SLC9A9: variants seen among roughly 807,000 people sequenced by gnomAD.
SLC9A9 encodes the protein sodium/hydrogen exchanger 9.
In SLC9A9, 62 loss-of-function variants were observed where a neutral mutation model predicts 77.8. The ratio of observed to expected loss-of-function variants is 0.80; its 90% CI spans 0.65 to 0.98. SLC9A9 has a LOEUF of 0.98. SLC9A9 is among the 50% of genes least tolerant of loss of function. The pLI, the probability that SLC9A9 is intolerant of heterozygous loss-of-function variation, is 0.00. For missense variants in SLC9A9, 775 were observed against 774.9 expected (o/e 1.00, Z 0.00); for synonymous variants, 320 against 283.5 (o/e 1.13, Z -1.29).
chr3:143,784,619 G>A (rs535102757), intron 4 of SLC9A9, among the ~76,000 whole-genome samples: 8 of 151,068 alleles, frequency 5.3e-5, no homozygotes, highest in East Asian at 3.9e-4. Flanking sequence ...TCAGCCTCCC[G>A]AAGTGCTGGG....
intron 12 of SLC9A9, among the ~76,000 whole-genome samples, chr3:143,415,731 T>C (rs1288221830): frequency 6.6e-6 from 1 of 152,214 alleles, no homozygotes; most frequent in East Asian, 1.9e-4. Context: ...AATTAAGGAA[T>C]AATTTCAACT....
At chr3:143,268,732 C>CA (rs11312794) in intron 15 of SLC9A9, 143 bp downstream of exon 15, 23,235 of 230,810 alleles carry the variant, frequency 0.1, 639 homozygotes, top group African/African-American at 0.19. Context: ...GACTCCGTCT[C>CA]AAAAAAAAAA....
chr3:143,495,859 G>C (rs1474499989), intron 9 of SLC9A9, among the ~76,000 whole-genome samples: 1 of 152,080 alleles, frequency 6.6e-6, no homozygotes, highest in East Asian at 1.9e-4. Flanking sequence ...TGACTTCCCA[G>C]GTACTGAACA....
At chr3:143,700,064 C>T (rs978410191) in intron 4 of SLC9A9, among the ~76,000 whole-genome samples, 4 of 151,948 alleles carry the variant, frequency 2.6e-5, no homozygotes, top group African/African-American at 9.7e-5. Context: ...TCCCAGATAA[C>T]ATTTCTAGAC....
At position 143,316,800 on chromosome 3, in the gene SLC9A9, G is replaced by A. The variant is rs142171913; in HGVS notation, c.1604+46684C>T. On this transcript the variant is annotated intron_variant, in intron 14 of 15. Transcript: ENST00000316549. The stretch of plus-strand genomic sequence containing the variant: ...ACAATATTAAGAGCAAATTCATACT[G>A]AGCACTTAAGACGTTTTACCAGGGT... Among the ~76,000 whole-genome samples the A allele has an allele frequency of 1.1e-3, 166 of 152,272 alleles. 1 individual carries two copies. The highest frequency in any genetic ancestry group is 3.8e-3 in the African/African-American group (157 of 41,558).
chr3:143,587,586 C>CGGGCCAGGGCCAGGGCCA (rs58491980), intron 6 of SLC9A9, among the ~76,000 whole-genome samples: 5 of 151,998 alleles, frequency 3.3e-5, no homozygotes, highest in African/African-American at 9.7e-5. Context: ...AGGCTGGAGC[C>CGGGCCAGGGCCAGGGCCA]GGGCCAGGGC....
At chr3:143,707,168 C>T (rs1363276786) in intron 4 of SLC9A9, among the ~76,000 whole-genome samples, 1 of 152,144 alleles carries the variant, frequency 6.6e-6, no homozygotes, top group Non-Finnish European at 1.5e-5. Flanking sequence ...TTTCCCTGGC[C>T]TCTACTGTCT....
chr3:143,427,388 A>G (rs925929474), intron 12 of SLC9A9, among the ~76,000 whole-genome samples: 1 of 152,350 alleles, frequency 6.6e-6, no homozygotes, highest in African/African-American at 2.4e-5. Context: ...CACATATTTA[A>G]AAAACTATTC....
chr3:143,557,765 T>C (rs1358420377), intron 8 of SLC9A9, among the ~76,000 whole-genome samples: 1 of 152,164 alleles, frequency 6.6e-6, no homozygotes, highest in Admixed American at 6.6e-5. Context: ...TAATTTAGGG[T>C]ATCTGGTGGA....
At chr3:143,318,914 G>A (rs566444945) in intron 14 of SLC9A9, among the ~76,000 whole-genome samples, 6 of 152,320 alleles carry the variant, frequency 3.9e-5, no homozygotes, top group Non-Finnish European at 8.8e-5. Flanking sequence ...TGTCAAGGTG[G>A]AGAGGAAAGT....
chr3:143,816,224 G>A (rs75586032), intron 2 of SLC9A9, among the ~76,000 whole-genome samples: 1 of 152,044 alleles, frequency 6.6e-6, no homozygotes, highest in Non-Finnish European at 1.5e-5. Flanking sequence ...TTATATTCGA[G>A]ACAGGGTCTT....
intron 12 of SLC9A9, among the ~76,000 whole-genome samples, chr3:143,405,551 G>T (rs2033959733): frequency 6.6e-6 from 1 of 152,144 alleles, no homozygotes; most frequent in African/African-American, 2.4e-5. Flanking sequence ...GGTGGTGATT[G>T]GGTCCCCAAT....
chr3:143,525,909 T>C (rs942090227), intron 9 of SLC9A9, among the ~76,000 whole-genome samples: 1 of 152,196 alleles, frequency 6.6e-6, no homozygotes, highest in Non-Finnish European at 1.5e-5. Flanking sequence ...AAATTGTACA[T>C]ATACAGTTTA....
At chr3:143,508,161 AGACAT>A (rs1326392028) in intron 9 of SLC9A9, among the ~76,000 whole-genome samples, 1 of 152,210 alleles carries the variant, frequency 6.6e-6, no homozygotes, top group Non-Finnish European at 1.5e-5. Flanking sequence ...CAACTGTTTA[AGACAT>A]GACTGAGGAT....
At chr3:143,624,292 G>C (rs2038276708) in intron 6 of SLC9A9, among the ~76,000 whole-genome samples, 1 of 152,124 alleles carries the variant, frequency 6.6e-6, no homozygotes, top group Admixed American at 6.5e-5. Context: ...TGATACCAAA[G>C]CCTGGCAGAG....
At chr3:143,603,465 C>A (rs568241440) in intron 6 of SLC9A9, among the ~76,000 whole-genome samples, 23 of 152,312 alleles carry the variant, frequency 1.5e-4, no homozygotes, top group African/African-American at 5.5e-4. Context: ...CTCTTTCATT[C>A]TCTCACAATA....
intron 14 of SLC9A9, among the ~76,000 whole-genome samples, chr3:143,348,140 A>C (rs1299906145): frequency 6.6e-6 from 1 of 151,598 alleles, no homozygotes; most frequent in Admixed American, 6.6e-5. Context: ...CAGCCTCCTG[A>C]GTAGCTGGGA....
At chr3:143,539,689 T>C (rs2036652729) in intron 9 of SLC9A9, among the ~76,000 whole-genome samples, 1 of 152,112 alleles carries the variant, frequency 6.6e-6, no homozygotes, top group South Asian at 2.1e-4. Flanking sequence ...TTTAAGGTAA[T>C]AGTGGGCGAC....
At chr3:143,339,456 A>G (rs2032027308) in intron 14 of SLC9A9, among the ~76,000 whole-genome samples, 1 of 152,136 alleles carries the variant, frequency 6.6e-6, no homozygotes, top group African/African-American at 2.4e-5. Flanking sequence ...TCTCTGCTTG[A>G]ATCCCAGGCT....
Sources: allele counts gnomAD v4.1 joint callset (sites outside exome capture counted in the v4.1 genomes callset), GRCh38; gene constraint gnomAD v4.1.1; transcripts MANE v1.5; gene names NCBI Gene and HGNC (gene_info 2026-07-23, HGNC 2026-07-21).